DNAAF8: variants seen among roughly 807,000 people sequenced by gnomAD.
The protein encoded by DNAAF8 is dynein axonemal-associated protein 1.
A neutral mutation model predicts 54.6 loss-of-function variants in DNAAF8; 61 were observed. That is an observed-to-expected ratio of 1.12 (90% CI 0.91 to 1.38). DNAAF8 has a LOEUF of 1.38. Ranked by LOEUF, DNAAF8 falls within the 40% of genes most tolerant of loss-of-function variation. The probability of loss-of-function intolerance (pLI) is 0.00; values close to 1 mark genes in which losing one functional copy is unlikely to be tolerated. For synonymous variants in DNAAF8, 320 were observed against 270.1 expected, an observed-to-expected ratio of 1.18 and a Z score of -1.81; for missense variants, 837 against 665.0, an observed-to-expected ratio of 1.26 and a Z score of -2.85.
chr16:4,746,078 T>G, intron 6 of DNAAF8: 1 of 300,458 alleles, frequency 3.3e-6, no homozygotes, highest in Non-Finnish European at 6.1e-6. Flanking sequence ...AACTGAATGT[T>G]TTATGCATTG....
At chr16:4,747,152 G>C in intron 8 of DNAAF8, 127 bp downstream of exon 8, 2 of 1,208,406 alleles carry the variant, frequency 1.7e-6, no homozygotes, top group Non-Finnish European at 2.3e-6. Flanking sequence ...GGGTGAGGGG[G>C]ACGGCACAGC....
In DNAAF8 at chr16:4,744,901, C is replaced by T; in HGVS notation, c.933C>T (p.Leu311=). 1.2e-6 allele frequency: 2 copies of T among 1,613,866 alleles called. No homozygotes were observed. Among genetic ancestry groups the T allele is most frequent in the Non-Finnish European group, 1.7e-6 (2 of 1,179,974 alleles). ...DRMVPSAHNR[L]MEQLALLCTT... is the part of the protein sequence containing the mutation. ...TGGTGCCGAGCGCCCACAACAGGCT[C>T]ATGGAACAGCTGGCCCTCCTGTGCA... The change falls in exon 6 of 10, where the codon CTC becomes CTT. Residue 311 remains leucine, a synonymous_variant. Coordinates refer to ENST00000299320, the MANE Select transcript of DNAAF8 (RefSeq NM_139170.3).
intron 3 of DNAAF8, among the ~76,000 whole-genome samples, chr16:4,738,822 G>T (rs2605572): frequency 0.58 from 87,817 of 151,234 alleles, 25,679 homozygotes; most frequent in East Asian, 0.68. Flanking sequence ...GAGCAGAGAT[G>T]GCAGTGAGCC....
chr16:4,745,341 C>T lies in DNAAF8; in HGVS notation c.1043+330C>T, dbSNP rs896165858. 2.0e-5 allele frequency among the ~76,000 whole-genome samples: 3 copies of T among 152,190 alleles called. 1 individual carries two copies. Among genetic ancestry groups the T allele is most frequent in the Admixed American group, 1.3e-4 (2 of 15,278 alleles). ...GTAGGAAGGTTATCATGTGACCCTG[C>T]CCCTCTGGCCACAGCTGATTGGTCC... is the stretch of plus-strand genomic sequence containing the variant. On this transcript the variant is annotated intron_variant, in intron 6 of 9. Coordinates refer to ENST00000299320, the MANE Select transcript of DNAAF8 (RefSeq NM_139170.3).
In DNAAF8 at chr16:4,747,435, C is replaced by T. The variant is rs375845445; in HGVS notation, c.1373C>T (p.Ala458Val). 1.3e-5 allele frequency: 21 copies of T among 1,612,910 alleles called. No individual in the cohort carries two copies. The highest frequency in any genetic ancestry group is 5.3e-5 in the African/African-American group (4 of 74,936). The change falls in exon 9 of 10, where the codon GCG becomes GTG. Residue 458 changes from alanine (A) to valine (V), a missense_variant. Ala to Val is a moderately conservative substitution (Grantham distance 64). Coordinates refer to ENST00000299320, the MANE Select transcript of DNAAF8 (RefSeq NM_139170.3). ...GAGCTGCCTGCCAGCAAGGGGCCCG[C>T]GGGTGGGAGGGCTCAGGCCCCTGAA... ...QPELPASKGP[A>V]GGRAQAPEDT...
At chr16:4,748,634 T>C (rs2082048944) in intron 9 of DNAAF8, 91 bp from the exon 10 acceptor site, 1 of 152,366 alleles carries the variant, frequency 6.6e-6, no homozygotes, top group African/African-American at 2.4e-5. Flanking sequence ...GCCAGCACCG[T>C]CTTGCAGCCC....
In DNAAF8 at chr16:4,740,346, A is replaced by G; in HGVS notation, c.470A>G (p.Asn157Ser). The change falls in exon 4 of 10, where the codon AAC becomes AGC. Residue 157 changes from asparagine to serine, a missense_variant. Coordinates refer to ENST00000299320, the MANE Select transcript of DNAAF8 (RefSeq NM_139170.3). The part of the protein sequence containing the change: ...LEGDLGSLSF[N>S]TKGSQGPPWD... The stretch of plus-strand genomic sequence containing the variant: ...GGCGACCTTGGAAGCCTGTCTTTCA[A>G]CACCAAAGGATCCCAGGGTCCTCCC... 1 of 1,613,884 alleles carries G rather than the reference A, an allele frequency of 6.2e-7. No individual in the cohort carries two copies. The highest frequency in any genetic ancestry group is 8.5e-7 in the Non-Finnish European group (1 of 1,179,946).
chr16:4,741,833 T>TA (rs1308597456), intron 4 of DNAAF8, among the ~76,000 whole-genome samples: 1 of 152,104 alleles, frequency 6.6e-6, no homozygotes, highest in African/African-American at 2.4e-5. Context: ...AAGAGAGGAA[T>TA]GCAGAGATAC....
intron 2 of DNAAF8, among the ~76,000 whole-genome samples, chr16:4,737,469 C>G (rs1016241843): frequency 6.6e-6 from 1 of 152,216 alleles, no homozygotes; most frequent in Admixed American, 6.5e-5. Flanking sequence ...GCTCTTTCAG[C>G]TACCACCTCA....
At position 4,742,552 on chromosome 16, in the gene DNAAF8, C is replaced by CAAA. The variant is rs576508321; in HGVS notation, c.784-473_784-471dup. 8.8e-4 allele frequency among the ~76,000 whole-genome samples: 83 copies of CAAA among 94,658 alleles called. 1 individual carries two copies. The highest frequency in any genetic ancestry group is 3.4e-3 in the African/African-American group (79 of 23,310). 62.1% of individuals were successfully genotyped at this position (94,658 alleles called of 152,430 possible). A position where few individuals can be genotyped will look rare whatever the true frequency, so the allele number is the denominator to read the frequency against. On this transcript the variant is annotated intron_variant, in intron 4 of 9. Coordinates refer to ENST00000299320, the MANE Select transcript of DNAAF8 (RefSeq NM_139170.3). Reference sequence around the variant, plus strand: ...TGAAACCCCATCTCTACTAAAAATACAAAAAAAAAAAAAAAAAAAATGAAG... The same window carrying CAAA: ...TGAAACCCCATCTCTACTAAAAATACAAAAAAAAAAAAAAAAAAAAAAATGAAG...
intron 1 of DNAAF8, chr16:4,735,205 G>A (rs1243994792): frequency 6.6e-6 from 1 of 152,246 alleles, no homozygotes; most frequent in African/African-American, 2.4e-5. Flanking sequence ...CCGCCTGAAG[G>A]GTTTATCAGA....
chr16:4,739,548 CTT>C (rs869183831), intron 3 of DNAAF8, among the ~76,000 whole-genome samples: 32 of 134,944 alleles, frequency 2.4e-4, no homozygotes, highest in Admixed American at 5.2e-4. Flanking sequence ...AGCTTTCCAA[CTT>C]TTTTTTTTTT....
At chr16:4,740,017 C>T (rs1324117506) in intron 3 of DNAAF8, 136 bp from the exon 4 acceptor site, 5 of 1,094,230 alleles carry the variant, frequency 4.6e-6, no homozygotes, top group South Asian at 1.6e-5. Flanking sequence ...TATGATCGCA[C>T]CACTGCACTG....
At chr16:4,740,715 G>A in intron 4 of DNAAF8, 56 bp downstream of exon 4, 1 of 1,498,392 alleles carries the variant, frequency 6.7e-7, no homozygotes, top group Admixed American at 2.1e-5. Flanking sequence ...TGGCATGGCT[G>A]CTGTTCCCAT....
intron 5 of DNAAF8, 115 bp from the exon 6 acceptor site, chr16:4,744,755 A>C: frequency 1.5e-6 from 2 of 1,313,004 alleles, no homozygotes; most frequent in Non-Finnish European, 2.1e-6. Context: ...GGGGCAGTGG[A>C]GGAGCCTGAG....
intron 6 of DNAAF8, among the ~76,000 whole-genome samples, chr16:4,745,606 C>T (rs2082004791): frequency 6.6e-6 from 1 of 152,184 alleles, no homozygotes; most frequent in African/African-American, 2.4e-5. Context: ...TCCCTTTTCA[C>T]CTGACCAGCA....
chr16:4,746,993 A>G lies in DNAAF8; in HGVS notation c.1248A>G (p.Ala416=). Reference sequence around the variant, plus strand: ...AAGAGATGGCAGCTCTGGGAGACGCAGAGGGGGCATCTCCTTCCTCCCTGG... The same window carrying G: ...AAGAGATGGCAGCTCTGGGAGACGCGGAGGGGGCATCTCCTTCCTCCCTGG... The part of the protein sequence containing the change: ...EEEEMAALGD[A]EGASPSSLGL... Residue 416 remains alanine (A), a synonymous_variant, in exon 8 of 10, where the codon GCA becomes GCG. Transcript: ENST00000299320. 1 of 1,542,390 alleles carries G rather than the reference A, an allele frequency of 6.5e-7. No homozygotes were observed.
In DNAAF8 at chr16:4,740,206, A is replaced by G. The variant is rs2081943853; in HGVS notation, c.330A>G (p.Thr110=). 2 of 1,614,052 alleles carry G rather than the reference A, an allele frequency of 1.2e-6. No homozygotes were observed. The highest frequency in any genetic ancestry group is 1.7e-6 in the Non-Finnish European group (2 of 1,179,948). ...LATEPGCRQN[T]RTKDASSQEG... is the part of the protein sequence containing the mutation. ...CAGAACCTGGGTGCAGACAGAACAC[A>G]AGGACAAAGGATGCATCCTCTCAGG... The change falls in exon 4 of 10, where the codon ACA becomes ACG. Residue 110 remains threonine (T), a synonymous_variant. Coordinates refer to ENST00000299320, the MANE Select transcript of DNAAF8 (RefSeq NM_139170.3).
At chr16:4,748,486 G>A (rs2082047170) in intron 9 of DNAAF8, 1 of 152,172 alleles carries the variant, frequency 6.6e-6, no homozygotes, top group African/African-American at 2.4e-5. Context: ...GGAAACCCCT[G>A]GAAATGCTGT....
Sources: gnomAD v4.1 joint callset for allele counts (sites outside exome capture counted in the v4.1 genomes callset) on GRCh38, gnomAD v4.1.1 for gene constraint, MANE v1.5 for transcripts, NCBI Gene and HGNC (gene_info 2026-07-23, HGNC 2026-07-21) for gene names.